PHACTR3: variants seen among roughly 807,000 people sequenced by gnomAD.
The protein encoded by PHACTR3 is protein phosphatase 1, regulatory subunit 123.
In PHACTR3, 16 loss-of-function variants were observed where a neutral mutation model predicts 66.8. The observed-to-expected ratio is 0.24, with a 90% CI of 0.16 to 0.36. The LOEUF is 0.36. PHACTR3 is among the 10% of genes least tolerant of loss of function. The pLI, the probability that PHACTR3 is intolerant of heterozygous loss-of-function variation, is 1.00. For synonymous variants in PHACTR3, 323 were observed against 292.1 expected (o/e 1.11, Z -1.08); for missense variants, 647 against 719.9 (o/e 0.90, Z 1.16).
chr20:59,616,435 G>A (rs2034027992), intron 1 of PHACTR3, among the ~76,000 whole-genome samples: 1 of 152,216 alleles, frequency 6.6e-6, no homozygotes, highest in South Asian at 2.1e-4. Context: ...GCTGCTGGGT[G>A]AAATCAGGCA....
intron 1 of PHACTR3, among the ~76,000 whole-genome samples, chr20:59,742,429 G>A (rs375891752): frequency 6.6e-6 from 1 of 151,994 alleles, no homozygotes. Context: ...ACAAGGAAGG[G>A]GTCCAGGAGC....
intron 1 of PHACTR3, among the ~76,000 whole-genome samples, chr20:59,669,352 C>T (rs748079132): frequency 1.1e-4 from 17 of 152,314 alleles, no homozygotes; most frequent in South Asian, 2.1e-4. Context: ...TAATCAGTGC[C>T]GCTTTTCCTC....
At chr20:59,823,854 A>G (rs928792514) in intron 8 of PHACTR3, among the ~76,000 whole-genome samples, 2 of 152,244 alleles carry the variant, frequency 1.3e-5, no homozygotes, top group African/African-American at 2.4e-5. Context: ...CATTTAATCA[A>G]TGTGCATTAA....
chr20:59,596,233 T>C (rs1255983322), intron 1 of PHACTR3, among the ~76,000 whole-genome samples: 1 of 152,192 alleles, frequency 6.6e-6, no homozygotes, highest in East Asian at 1.9e-4. Flanking sequence ...CCTCCTAGAT[T>C]CAAGCGATTC....
chr20:59,710,049 G>A (rs1319096588), intron 1 of PHACTR3, among the ~76,000 whole-genome samples: 1 of 152,094 alleles, frequency 6.6e-6, no homozygotes, highest in Non-Finnish European at 1.5e-5. Flanking sequence ...GGAACATGTT[G>A]GTAAGTGGCA....
chr20:59,825,726 T>G (rs181877276), intron 8 of PHACTR3, among the ~76,000 whole-genome samples: 2 of 152,204 alleles, frequency 1.3e-5, no homozygotes, highest in East Asian at 3.9e-4. Context: ...GGTAACAACT[T>G]TCTCAGCAGA....
At chr20:59,578,878 C>A (rs116951776) in intron 1 of PHACTR3, among the ~76,000 whole-genome samples, 2,159 of 152,304 alleles carry the variant, frequency 0.014, 53 homozygotes, top group East Asian at 0.07. Flanking sequence ...AGAGGATGGG[C>A]AGCTGAATCC....
At chr20:59,629,834 G>A (rs895878367) in intron 1 of PHACTR3, among the ~76,000 whole-genome samples, 5 of 152,310 alleles carry the variant, frequency 3.3e-5, no homozygotes, top group East Asian at 3.9e-4. Context: ...GTGGCCTTCC[G>A]TCTTCCCACT....
At chr20:59,780,208 G>A (rs1437948733) in intron 7 of PHACTR3, among the ~76,000 whole-genome samples, 7 of 152,136 alleles carry the variant, frequency 4.6e-5, no homozygotes, top group African/African-American at 7.2e-5. Flanking sequence ...CTTCTCCCAG[G>A]TGCTCATGAC....
chr20:59,610,407 G>T (rs1451681817), intron 1 of PHACTR3, among the ~76,000 whole-genome samples: 1 of 152,192 alleles, frequency 6.6e-6, no homozygotes, highest in Non-Finnish European at 1.5e-5. Flanking sequence ...AGGCCCAGGG[G>T]CACCGTCCAG....
rs2042301291 is a variant in PHACTR3 at position 59,829,886 on chromosome 20, G to A, written c.1329-6619G>A. 6.6e-6 allele frequency among the ~76,000 whole-genome samples: 1 copy of A among 152,218 alleles called. No homozygotes were observed. Among genetic ancestry groups the A allele is most frequent in the Admixed American group, 6.5e-5 (1 of 15,282 alleles). On this transcript the variant is annotated intron_variant, in intron 8 of 12. Transcript: ENST00000371015. This position sits in a 1 kb window ranked among gnomAD's most constrained non-coding sequence, Gnocchi z 4.2. ...GGTGAGATCAAGATTTGGGGGATGT[G>A]CGTTTAGTGGGGCAGCCTGGCTGGG...
chr20:59,677,958 A>T (rs1200697077), intron 1 of PHACTR3, among the ~76,000 whole-genome samples: 1 of 152,210 alleles, frequency 6.6e-6, no homozygotes, highest in African/African-American at 2.4e-5. Context: ...TCTCAGCAGA[A>T]GGAAGCATTC....
intron 1 of PHACTR3, among the ~76,000 whole-genome samples, chr20:59,624,980 G>A (rs182845419): frequency 1.3e-5 from 2 of 152,084 alleles, no homozygotes; most frequent in African/African-American, 2.4e-5. Flanking sequence ...TCCAGATCCC[G>A]CATGACATCT....
In PHACTR3 at chr20:59,755,384, C is replaced by G; in HGVS notation, c.541+20C>G. The G allele has an allele frequency of 6.2e-7, 1 of 1,609,550 alleles. No homozygotes were observed. On this transcript the variant is annotated intron_variant, in intron 4 of 12. Coordinates refer to ENST00000371015, the MANE Select transcript of PHACTR3 (RefSeq NM_080672.5). The stretch of plus-strand genomic sequence containing the variant: ...ATGCAGGTACTGGCTGGAGACCACG[C>G]GAAGTTGAGCTGCTCCTAGAATGGC...
chr20:59,762,680 C>T (rs1022524670), intron 4 of PHACTR3, among the ~76,000 whole-genome samples: 5 of 152,316 alleles, frequency 3.3e-5, no homozygotes, highest in African/African-American at 1.2e-4. Context: ...CCACATGGCC[C>T]AAGCTGGAAA....
chr20:59,725,647 C>T (rs1436353855), intron 1 of PHACTR3, among the ~76,000 whole-genome samples: 2 of 152,206 alleles, frequency 1.3e-5, no homozygotes, highest in East Asian at 1.9e-4. Context: ...GGCACCAGTG[C>T]TGGGAAAGTG....
intron 1 of PHACTR3, among the ~76,000 whole-genome samples, chr20:59,656,946 A>G (rs977446154): frequency 3.3e-5 from 5 of 151,972 alleles, no homozygotes; most frequent in Non-Finnish European, 5.9e-5. Flanking sequence ...TTTTTGCGCT[A>G]TAATTTTATA....
intron 8 of PHACTR3, among the ~76,000 whole-genome samples, chr20:59,827,187 A>C (rs1162887329): frequency 6.6e-6 from 1 of 151,862 alleles, no homozygotes; most frequent in Non-Finnish European, 1.5e-5. Context: ...CAGCCCGGGA[A>C]CCATCCGGAG....
rs183590329 is a variant in PHACTR3 at position 59,760,382 on chromosome 20, C to T, written c.541+5018C>T. On this transcript the variant is annotated intron_variant, in intron 4 of 12. Coordinates refer to ENST00000371015, the MANE Select transcript of PHACTR3 (RefSeq NM_080672.5). ...GGTTTGGCTGTGTCCGCACCCAAAT[C>T]TCATCTTGAATTGTAGCTCCCATAA... Among the ~76,000 whole-genome samples, 25 of 152,244 alleles carry T rather than the reference C, an allele frequency of 1.6e-4. No homozygotes were observed. The East Asian group carries it at 4.8e-3, about 29-fold the overall frequency.
Sources: gnomAD v4.1 joint callset for allele counts (sites outside exome capture counted in the v4.1 genomes callset) on GRCh38, gnomAD v4.1.1 for gene constraint, Gnocchi (gnomAD v3.1) non-coding constraint, MANE v1.5 for transcripts, NCBI Gene and HGNC (gene_info 2026-07-23, HGNC 2026-07-21) for gene names.